Variants in RGS20 observed in about 807,000 individuals in gnomAD.
The protein encoded by RGS20 is gz-selective GTPase-activating protein.
Under a neutral mutation model 33.6 loss-of-function variants are expected in RGS20, and 30 were observed. The ratio of observed to expected loss-of-function variants is 0.89; its 90% CI spans 0.67 to 1.21. The LOEUF (loss-of-function observed/expected upper bound fraction) is 1.21, where lower values mean the gene tolerates loss of function less well. RGS20 is among the 50% of genes most tolerant of loss of function. RGS20 has a pLI of 0.00. For missense variants in RGS20, 472 were observed against 502.4 expected (o/e 0.94, Z 0.58); for synonymous variants, 208 against 197.9 (o/e 1.05, Z -0.43).
intron 2 of RGS20, among the ~76,000 whole-genome samples, chr8:53,895,893 C>T (rs1210581284): frequency 2.0e-5 from 3 of 151,954 alleles, no homozygotes; most frequent in South Asian, 2.1e-4. Flanking sequence ...ATGATCTGCC[C>T]GCCTCGGCCT....
At chr8:53,905,768 CT>C (rs928813039) in intron 2 of RGS20, among the ~76,000 whole-genome samples, 9 of 152,188 alleles carry the variant, frequency 5.9e-5, no homozygotes, top group Admixed American at 4.6e-4. Flanking sequence ...GTTTTTCTAA[CT>C]TCATTGTGTA....
rs56657753 is a variant in RGS20 at position 53,868,653 on chromosome 8, A to AATATAT, written c.166-10594_166-10589dup. Among the ~76,000 whole-genome samples, 69 of 149,814 alleles carry AATATAT rather than the reference A, an allele frequency of 4.6e-4. 1 individual carries two copies. Among genetic ancestry groups the AATATAT allele is most frequent in the African/African-American group, 1.7e-3 (68 of 40,986 alleles). On this transcript the variant is annotated intron_variant, in intron 1 of 5. Coordinates refer to ENST00000297313, the MANE Select transcript of RGS20 (RefSeq NM_170587.4). ...TTCTCTAGGAATAGCTTCACTGGTA[A>AATATAT]ATATATATATATATATGTATGTCTA...
intron 2 of RGS20, among the ~76,000 whole-genome samples, chr8:53,903,198 A>G (rs1419868723): frequency 1.3e-5 from 2 of 152,220 alleles, no homozygotes; most frequent in East Asian, 1.9e-4. Context: ...ATGTACATAC[A>G]TAACTATACA....
chr8:53,867,497 A>G (rs2129270199), intron 1 of RGS20, among the ~76,000 whole-genome samples: 1 of 152,272 alleles, frequency 6.6e-6, no homozygotes, highest in African/African-American at 2.4e-5. Context: ...AATTTATCAA[A>G]GGTGTCTGGC....
chr8:53,873,454 A>C (rs1046084101), intron 1 of RGS20, among the ~76,000 whole-genome samples: 1 of 152,142 alleles, frequency 6.6e-6, no homozygotes, highest in African/African-American at 2.4e-5. Flanking sequence ...GAATTTGTCT[A>C]TTCTTGGCAC....
chr8:53,928,061 C>T (rs1370645730), intron 2 of RGS20, among the ~76,000 whole-genome samples: 6 of 152,058 alleles, frequency 3.9e-5, no homozygotes, highest in Non-Finnish European at 8.8e-5. Context: ...TTGATATGCT[C>T]ACCTAAATAG....
chr8:53,876,943 T>C (rs1010230624), intron 1 of RGS20, among the ~76,000 whole-genome samples: 1 of 152,156 alleles, frequency 6.6e-6, no homozygotes, highest in Non-Finnish European at 1.5e-5. Flanking sequence ...AAATGCCTAA[T>C]GAAGCGTGCC....
At chr8:53,939,386 A>G (rs116772629) in intron 2 of RGS20, among the ~76,000 whole-genome samples, 190 bp from the exon 2 acceptor site, 3 of 152,358 alleles carry the variant, frequency 2.0e-5, no homozygotes, top group African/African-American at 7.2e-5. Flanking sequence ...GGCAGAGGAT[A>G]AGCGTTACAT....
At chr8:53,876,663 C>T (rs1812215934) in intron 1 of RGS20, 1 of 152,264 alleles carries the variant, frequency 6.6e-6, no homozygotes, top group South Asian at 2.1e-4. Context: ...GATTCCAGCG[C>T]CCCACACCTT....
Position 53,879,375 on chromosome 8 carries a change from C to T in RGS20, c.283C>T (p.Pro95Ser). The T allele has an allele frequency of 6.2e-7, 1 of 1,611,420 alleles. No homozygotes were observed. Among genetic ancestry groups the T allele is most frequent in the Admixed American group, 1.7e-5 (1 of 60,010 alleles). ...CTCTCACCTTCTCCGGCGACCCCCT[C>T]CCGAGGCTCCCCGGAGGCGCCTGGA... The change falls in exon 2 of 6, where the codon CCC becomes TCC. Residue 95 changes from proline to serine, a missense_variant. Around this residue, in one of 3 missense-constraint regions of RGS20, gnomAD observed 319 missense variants for 283.4 expected, o/e 1.13. Coordinates refer to ENST00000297313, the MANE Select transcript of RGS20 (RefSeq NM_170587.4).
At chr8:53,864,512 C>A (rs542564596) in intron 1 of RGS20, among the ~76,000 whole-genome samples, 1 of 151,654 alleles carries the variant, frequency 6.6e-6, no homozygotes, top group Non-Finnish European at 1.5e-5. Flanking sequence ...TTTCCATTAG[C>A]CCTGTGCTGC....
intron 2 of RGS20, among the ~76,000 whole-genome samples, chr8:53,907,869 G>A (rs1813230061): frequency 6.6e-6 from 1 of 152,152 alleles, no homozygotes; most frequent in South Asian, 2.1e-4. Context: ...GTGAGGTTTG[G>A]GATTCCTGCC....
At chr8:53,905,933 T>G (rs1813154059) in intron 2 of RGS20, among the ~76,000 whole-genome samples, 1 of 152,208 alleles carries the variant, frequency 6.6e-6, no homozygotes, top group African/African-American at 2.4e-5. Flanking sequence ...ACACACTTTA[T>G]GCCTCCTGTC....
chr8:53,911,549 T>A (rs933172215), intron 2 of RGS20, among the ~76,000 whole-genome samples: 1 of 123,322 alleles, frequency 8.1e-6, no homozygotes, highest in East Asian at 2.1e-4. Context: ...TGAAAAAATA[T>A]AAATTTAAAA....
intron 2 of RGS20, among the ~76,000 whole-genome samples, chr8:53,885,806 T>C (rs1172736476): frequency 6.6e-6 from 1 of 150,622 alleles, no homozygotes; most frequent in East Asian, 2.0e-4. Flanking sequence ...TTTTTTTTTT[T>C]TTTTTTGACT....
intron 2 of RGS20, among the ~76,000 whole-genome samples, chr8:53,900,500 A>G (rs942608946): frequency 6.6e-6 from 1 of 152,210 alleles, no homozygotes; most frequent in Admixed American, 6.5e-5. Context: ...GTATTTTTAC[A>G]TTAAATATCA....
At chr8:53,941,094 G>A (rs753684504) in intron 3 of RGS20, among the ~76,000 whole-genome samples, 3 of 152,180 alleles carry the variant, frequency 2.0e-5, no homozygotes, top group Non-Finnish European at 2.9e-5. Context: ...CGGCTGACAT[G>A]CTGACCTGAA....
chr8:53,885,232 G>A (rs770494175), intron 2 of RGS20, among the ~76,000 whole-genome samples: 6 of 152,046 alleles, frequency 3.9e-5, no homozygotes, highest in African/African-American at 1.2e-4. Flanking sequence ...TTTTATTTCC[G>A]CATGTGGGCA....
chr8:53,934,447 C>T (rs909559999), intron 2 of RGS20, among the ~76,000 whole-genome samples: 3 of 152,056 alleles, frequency 2.0e-5, no homozygotes, highest in Non-Finnish European at 1.5e-5. Context: ...AAGAAGCAAG[C>T]GTTGCAATCC....
Sources: gnomAD v4.1 joint callset for allele counts (sites outside exome capture counted in the v4.1 genomes callset) on GRCh38, gnomAD v4.1.1 for gene constraint, gnomAD v4.1.1 regional missense constraint, MANE v1.5 for transcripts, NCBI Gene and HGNC (gene_info 2026-07-23, HGNC 2026-07-21) for gene names.